PTPRQ: variants seen among roughly 807,000 people sequenced by gnomAD.
PTPRQ encodes phosphatidylinositol phosphatase PTPRQ.
Under a neutral mutation model 246.0 loss-of-function variants are expected in PTPRQ, and 199 were observed. The observed-to-expected ratio is 0.81, with a 90% CI of 0.72 to 0.91. PTPRQ has a LOEUF of 0.91. Among genes scored for constraint, PTPRQ ranks in the 40% least tolerant of loss-of-function variants. PTPRQ has a pLI of 0.00. For missense variants in PTPRQ, 2,624 were observed against 2,528.4 expected, an observed-to-expected ratio of 1.04 and a Z score of -0.81; for synonymous variants, 869 against 853.2, an observed-to-expected ratio of 1.02 and a Z score of -0.32.
Position 80,534,070 on chromosome 12 carries a change from G to T in PTPRQ, c.2734G>T (p.Asp912Tyr). The part of the protein sequence containing the change: ...NVTETSLELS[D>Y]LDYNVEYSAY... ...CACTGAAACATCATTGGAGTTATCA[G>T]ATTTGGATTATAATGTTGAATACAG... The change falls in exon 18 of 45, where the codon GAT (aspartate) becomes TAT (tyrosine). Residue 912 changes from aspartate to tyrosine, a missense_variant. Physicochemically the swap from Asp to Tyr is radical, Grantham distance 160. Transcript: ENST00000644991. 1 of 1,536,244 alleles carries T rather than the reference G, an allele frequency of 6.5e-7. No individual in the cohort carries two copies. The highest frequency in any genetic ancestry group is 1.3e-5 in the South Asian group (1 of 79,612).
chr12:80,542,974 T>A, intron 23 of PTPRQ, 93 bp downstream of exon 23: 1 of 860,356 alleles, frequency 1.2e-6, no homozygotes, highest in Non-Finnish European at 1.7e-6. Flanking sequence ...ACTACTAAAT[T>A]AAACAATGAC....
intron 26 of PTPRQ, among the ~76,000 whole-genome samples, chr12:80,598,043 G>A (rs1898025873): frequency 6.6e-6 from 1 of 151,770 alleles, no homozygotes; most frequent in South Asian, 2.1e-4. Context: ...TCTAGCTTAA[G>A]CCAGTCTGAA....
intron 25 of PTPRQ, among the ~76,000 whole-genome samples, chr12:80,572,924 T>C (rs1897185041): frequency 6.6e-6 from 1 of 152,194 alleles, no homozygotes; most frequent in Non-Finnish European, 1.5e-5. Flanking sequence ...TTAAGATTGT[T>C]GTATTTTTGT....
intron 39 of PTPRQ, among the ~76,000 whole-genome samples, chr12:80,666,445 A>G (rs531986344): frequency 6.6e-6 from 1 of 152,096 alleles, no homozygotes; most frequent in South Asian, 2.1e-4. Context: ...TGGTTAACGA[A>G]TGCAAAATTA....
intron 9 of PTPRQ, 33 bp from the exon 10 acceptor site, chr12:80,493,242 A>G: frequency 7.1e-7 from 1 of 1,399,230 alleles, no homozygotes; most frequent in Non-Finnish European, 9.3e-7. Flanking sequence ...TGTAACTGTC[A>G]CAGTCTTTTA....
chr12:80,447,793 G>A (rs1246913228), intron 3 of PTPRQ, among the ~76,000 whole-genome samples: 2 of 150,960 alleles, frequency 1.3e-5, no homozygotes, highest in African/African-American at 4.9e-5. Flanking sequence ...TGCTATTTTA[G>A]TTACTATAGC....
chr12:80,576,048 T>A (rs181869774), intron 25 of PTPRQ, among the ~76,000 whole-genome samples: 1 of 152,226 alleles, frequency 6.6e-6, no homozygotes, highest in Non-Finnish European at 1.5e-5. Context: ...TCCCAATTCT[T>A]TCTTTATTCT....
chr12:80,478,619 A>C (rs1253522291), intron 8 of PTPRQ, among the ~76,000 whole-genome samples: 1 of 152,166 alleles, frequency 6.6e-6, no homozygotes, highest in Non-Finnish European at 1.5e-5. Flanking sequence ...AAGAAGTTGA[A>C]AACTGTGAAA....
intron 17 of PTPRQ, among the ~76,000 whole-genome samples, chr12:80,525,282 T>C (rs558529926): frequency 1.3e-5 from 2 of 152,270 alleles, no homozygotes; most frequent in African/African-American, 4.8e-5. Flanking sequence ...TCTTTTTGTT[T>C]CAAGTACTGG....
intron 38 of PTPRQ, among the ~76,000 whole-genome samples, chr12:80,653,439 T>G (rs1193494490): frequency 6.6e-6 from 1 of 152,220 alleles, no homozygotes; most frequent in Admixed American, 6.5e-5. Context: ...ACTATATGTT[T>G]GCTATTATAT....
chr12:80,675,028 T>C (rs1470417435), intron 43 of PTPRQ, among the ~76,000 whole-genome samples: 1 of 152,148 alleles, frequency 6.6e-6, no homozygotes, highest in Non-Finnish European at 1.5e-5. Flanking sequence ...AATTCTGTGA[T>C]AATTAGTTAG....
intron 6 of PTPRQ, among the ~76,000 whole-genome samples, 186 bp downstream of exon 6, chr12:80,461,088 G>A (rs1893149583): frequency 6.6e-6 from 1 of 152,068 alleles, no homozygotes; most frequent in South Asian, 2.1e-4. Context: ...CACAAAATAA[G>A]TATTTGAAAG....
chr12:80,604,101 C>T (rs936013236), intron 26 of PTPRQ, among the ~76,000 whole-genome samples: 8 of 151,568 alleles, frequency 5.3e-5, no homozygotes, highest in Admixed American at 4.6e-4. Context: ...AATATTTCAT[C>T]TTCCTGATTA....
At chr12:80,546,529 A>G (rs896983257) in intron 23 of PTPRQ, 27 bp from the exon 24 acceptor site, 3 of 1,533,416 alleles carry the variant, frequency 2.0e-6, no homozygotes, top group Admixed American at 2.2e-5. Flanking sequence ...CAGTGCATTA[A>G]CTAATAACTT....
At chr12:80,454,699 G>C (rs1892912837) in intron 3 of PTPRQ, 1 of 551,928 alleles carries the variant, frequency 1.8e-6, no homozygotes, top group East Asian at 2.9e-5. Context: ...TTTATTAAAT[G>C]CTTTTCCTGC....
At chr12:80,657,915 CT>C in intron 38 of PTPRQ, 69 bp from the exon 39 acceptor site, 1 of 1,165,272 alleles carries the variant, frequency 8.6e-7, no homozygotes, top group East Asian at 3.1e-5. Flanking sequence ...CTTTGTATTA[CT>C]TTTATAGTAA....
At chr12:80,670,635 C>A in intron 42 of PTPRQ, 143 bp downstream of exon 42, 1 of 1,249,822 alleles carries the variant, frequency 8.0e-7, no homozygotes, top group Non-Finnish European at 1.1e-6. Context: ...TTTCTAGACA[C>A]ATTGGTATGA....
chr12:80,599,884 A>G (rs1389694695), intron 26 of PTPRQ, among the ~76,000 whole-genome samples: 1 of 151,006 alleles, frequency 6.6e-6, no homozygotes, highest in Non-Finnish European at 1.5e-5. Context: ...TCAGTTATAT[A>G]AGTTTACTTT....
rs1050932209 is a variant in PTPRQ, at chr12:80,481,807, C to T, written c.1187-2626C>T. ...CAAAGAGAATAAAATACCTAGGAAT[C>T]CAACTTACAAGGGATGTGAAGGACG... On this transcript the variant is annotated intron_variant, in intron 8 of 44. Transcript: ENST00000644991. Among the ~76,000 whole-genome samples the T allele has an allele frequency of 2.0e-5, 3 of 152,116 alleles. No individual in the cohort carries two copies. In the South Asian group the frequency reaches 6.2e-4, roughly 32 times the overall value.
Sources: gnomAD v4.1 joint callset for allele counts (sites outside exome capture counted in the v4.1 genomes callset) on GRCh38, gnomAD v4.1.1 for gene constraint, MANE v1.5 for transcripts, NCBI Gene and HGNC (gene_info 2026-07-23, HGNC 2026-07-21) for gene names.